PAPPA2: variants seen among roughly 807,000 people sequenced by gnomAD.
PAPPA2 encodes pappalysin 2, also known as pappalysin-2.
Under a neutral mutation model 176.4 loss-of-function variants are expected in PAPPA2, and 86 were observed. The ratio of observed to expected loss-of-function variants is 0.49; its 90% CI spans 0.41 to 0.58. PAPPA2 has a LOEUF of 0.58. Among genes scored for constraint, PAPPA2 ranks in the 20% least tolerant of loss-of-function variants. The pLI is 0.00. For missense variants in PAPPA2, 2,073 were observed against 2,256.9 expected (o/e 0.92, Z 1.65); for synonymous variants, 809 against 852.2 (o/e 0.95, Z 0.88).
intron 1 of PAPPA2, among the ~76,000 whole-genome samples, chr1:176,527,676 A>G (rs1467017483): frequency 2.6e-5 from 4 of 152,198 alleles, no homozygotes; most frequent in Admixed American, 1.3e-4. Context: ...CTAAGCCTAT[A>G]TATTCAGATT....
intron 1 of PAPPA2, among the ~76,000 whole-genome samples, chr1:176,473,554 G>T (rs1651981057): frequency 6.6e-6 from 1 of 152,134 alleles, no homozygotes; most frequent in Admixed American, 6.6e-5. Context: ...CCAAAAAAAT[G>T]TAATTGCTGG....
intron 2 of PAPPA2, among the ~76,000 whole-genome samples, chr1:176,568,958 A>T (rs1313863398): frequency 6.6e-6 from 1 of 152,168 alleles, no homozygotes; most frequent in Non-Finnish European, 1.5e-5. Context: ...CCTCAGGATA[A>T]AGTTCAGCTT....
intron 2 of PAPPA2, among the ~76,000 whole-genome samples, chr1:176,573,468 A>G (rs1250099646): frequency 1.3e-5 from 2 of 152,110 alleles, no homozygotes; most frequent in African/African-American, 2.4e-5. Flanking sequence ...ACCAGCAGAG[A>G]ATATAGAATG....
intron 3 of PAPPA2, among the ~76,000 whole-genome samples, chr1:176,665,961 G>A (rs993755993): frequency 5.3e-5 from 8 of 152,170 alleles, no homozygotes; most frequent in Non-Finnish European, 1.0e-4. Context: ...AATCTTAGAG[G>A]AGAGGTAGGA....
At chr1:176,735,678 A>G (rs1308883485) in intron 12 of PAPPA2, among the ~76,000 whole-genome samples, 3 of 944 alleles carry the variant, frequency 3.2e-3, no homozygotes, top group Admixed American at 0.017. Flanking sequence ...ATCTCTCAGA[A>G]TCTATCTATC....
chr1:176,598,268 GT>G (rs145630618), intron 3 of PAPPA2, among the ~76,000 whole-genome samples: 4 of 150,224 alleles, frequency 2.7e-5, no homozygotes, highest in Non-Finnish European at 4.4e-5. Context: ...TTTTTCACCT[GT>G]TTTTTTTTCT....
At chr1:176,634,918 TA>T (rs9286914) in intron 3 of PAPPA2, among the ~76,000 whole-genome samples, 24 of 84,862 alleles carry the variant, frequency 2.8e-4, no homozygotes, top group South Asian at 1.9e-3. Flanking sequence ...ACATGACAGA[TA>T]GATGATGATG....
intron 4 of PAPPA2, among the ~76,000 whole-genome samples, chr1:176,680,786 C>T (rs1214841502): frequency 6.6e-6 from 1 of 152,136 alleles, no homozygotes; most frequent in Non-Finnish European, 1.5e-5. Flanking sequence ...TGTGGCTCCC[C>T]CAACCCCAAA....
In PAPPA2 at chr1:176,556,834, C is replaced by A. The variant is rs36112782; in HGVS notation, c.512C>A (p.Thr171Asn). Residue 171 changes from threonine (T) to asparagine (N), a missense_variant, in exon 2 of 23, where the codon ACT (threonine) becomes AAT (asparagine). Thr to Asn is a moderately conservative substitution (Grantham distance 65). This residue lies in a region of PAPPA2 where 1,196 missense variants were observed against 1,330.4 expected (regional missense o/e 0.90). Transcript: ENST00000367662. ...CAGAAAGGCTCAGCCATGGCTGCCA[C>A]TACTACCACCGCCATTTTCACAACC... ...GIQKGSAMAATTTTAIFTTLN... is the reference protein window; with the variant it reads ...GIQKGSAMAANTTTAIFTTLN... 1 of 1,613,962 alleles carries A rather than the reference C, an allele frequency of 6.2e-7. No homozygotes were observed. Among genetic ancestry groups the A allele is most frequent in the Admixed American group, 1.7e-5 (1 of 60,014 alleles).
chr1:176,569,346 C>T (rs897646386), intron 2 of PAPPA2, among the ~76,000 whole-genome samples: 1 of 152,220 alleles, frequency 6.6e-6, no homozygotes, highest in African/African-American at 2.4e-5. Context: ...TATGAAACCA[C>T]TCCCCGAAAC....
At position 176,761,064 on chromosome 1, in the gene PAPPA2, G is replaced by A. The variant is rs367803127; in HGVS notation, c.4152-4602G>A. ...TCTCGATCTCCTGACCTCGTGATCC[G>A]CCCGCCTCGGCCTCCCAAAGTGCTG... On this transcript the variant is annotated intron_variant, in intron 14 of 22. Coordinates refer to ENST00000367662, the MANE Select transcript of PAPPA2 (RefSeq NM_020318.3). Among the ~76,000 whole-genome samples the A allele has an allele frequency of 3.7e-4, 57 of 152,062 alleles. No homozygotes were observed. In the South Asian group the frequency reaches 0.011, roughly 29 times the overall value.
chr1:176,671,087 TTGGGACAAGGACGCTGTCACTCACC>T lies in PAPPA2; in HGVS notation c.2114_2137+1del, dbSNP rs775363416. 1 of 1,613,922 alleles carries T rather than the reference TTGGGACAAGGACGCTGTCACTCACC, an allele frequency of 6.2e-7. No individual in the cohort carries two copies. The highest frequency in any genetic ancestry group is 8.5e-7 in the Non-Finnish European group (1 of 1,179,866). The stretch of plus-strand genomic sequence containing the variant: ...ACCTTGCAGGTGCTGCCACCTGGCC[TTGGGACAAGGACGCTGTCACTCACC>T]TGGGTAAGTGAAATGAAGACCAAAC... On this transcript the variant is annotated frameshift_variant, in exon 4 of 23. Transcript: ENST00000367662. LOFTEE classifies it high-confidence loss of function.
At chr1:176,690,561 T>G (rs888870206) in intron 5 of PAPPA2, 131 bp downstream of exon 5, 5 of 1,463,254 alleles carry the variant, frequency 3.4e-6, no homozygotes, top group Non-Finnish European at 4.5e-6. Context: ...TGAAGTGTAT[T>G]TATTATAAGG....
chr1:176,838,518 ACT>A (rs1667361157), intron 21 of PAPPA2, among the ~76,000 whole-genome samples: 2 of 152,094 alleles, frequency 1.3e-5, no homozygotes, highest in African/African-American at 4.8e-5. Context: ...GAAAAATGAA[ACT>A]CTGGGGAAAC....
chr1:176,536,551 G>T (rs1650074430), intron 1 of PAPPA2, among the ~76,000 whole-genome samples: 1 of 152,170 alleles, frequency 6.6e-6, no homozygotes, highest in South Asian at 2.1e-4. Flanking sequence ...ATCTAGGTTA[G>T]ATTTGGTTAC....
intron 21 of PAPPA2, among the ~76,000 whole-genome samples, chr1:176,838,851 C>T (rs1025148130): frequency 3.9e-5 from 6 of 152,184 alleles, no homozygotes; most frequent in South Asian, 2.1e-4. Context: ...GCTTCTCAGC[C>T]GTTGGCAAAC....
rs771599933 is a variant in PAPPA2 at position 176,765,677 on chromosome 1, G to C, written c.4163G>C (p.Arg1388Pro). 4 of 1,613,904 alleles carry C rather than the reference G, an allele frequency of 2.5e-6. No individual in the cohort carries two copies. The highest frequency in any genetic ancestry group is 3.3e-5 in the Admixed American group (2 of 60,016). Residue 1388 changes from arginine to proline, a missense_variant, in exon 15 of 23, where the codon CGG becomes CCG. Transcript: ENST00000367662. The part of the protein sequence containing the change: ...QNHQGQSCIH[R>P]PCGKQDSCPS... ...TTCTCTTATCCCAGCTGTATCCATC[G>C]GCCCTGTGGGAAGCAGGACAGCTGT... is the stretch of plus-strand genomic sequence containing the variant.
chr1:176,495,142 T>C (rs1259707530), intron 1 of PAPPA2, among the ~76,000 whole-genome samples: 1 of 152,196 alleles, frequency 6.6e-6, no homozygotes, highest in Non-Finnish European at 1.5e-5. Context: ...ATGATAATAA[T>C]AGTTCACAGT....
At chr1:176,688,778 C>T (rs1312754084) in intron 4 of PAPPA2, among the ~76,000 whole-genome samples, 1 of 152,118 alleles carries the variant, frequency 6.6e-6, no homozygotes, top group Admixed American at 6.6e-5. Context: ...ACAAGAAAGT[C>T]AACTGAGCTG....
Sources: allele counts gnomAD v4.1 joint callset (sites outside exome capture counted in the v4.1 genomes callset), GRCh38; gene constraint gnomAD v4.1.1; regional missense constraint gnomAD v4.1.1; transcripts MANE v1.5; gene names NCBI Gene and HGNC (gene_info 2026-07-23, HGNC 2026-07-21).